The following CDH6 variants were observed in gnomAD, a reference collection of about 807,000 sequenced individuals.
CDH6 encodes the protein cadherin 6, also known as cadherin-6.
CDH6 carries 31 observed loss-of-function variants against 78.0 expected under a neutral mutation model. That is an observed-to-expected ratio of 0.40 (90% CI 0.30 to 0.54). The LOEUF is 0.54. Ranked by LOEUF, CDH6 falls within the 20% of genes least tolerant of loss-of-function variation. CDH6 has a pLI of 0.56. For synonymous variants in CDH6, 376 were observed against 368.8 expected, an observed-to-expected ratio of 1.02 and a Z score of -0.23; for missense variants, 724 against 975.9, an observed-to-expected ratio of 0.74 and a Z score of 3.44.
intron 2 of CDH6, among the ~76,000 whole-genome samples, chr5:31,288,798 C>A (rs1023601906): frequency 6.6e-6 from 1 of 152,190 alleles, no homozygotes; most frequent in Non-Finnish European, 1.5e-5. Flanking sequence ...TAAAGAGCAA[C>A]ATTACATTTG....
In CDH6 at chr5:31,267,556, C is replaced by A; in HGVS notation, c.83C>A (p.Thr28Asn). 1 of 1,613,990 alleles carries A rather than the reference C, an allele frequency of 6.2e-7. No homozygotes were observed. The highest frequency in any genetic ancestry group is 1.1e-5 in the South Asian group (1 of 91,066). Residue 28 changes from threonine (T) to asparagine (N), a missense_variant, in exon 2 of 12, where the codon ACT (threonine) becomes AAT (asparagine). By Grantham distance (65) the Thr-to-Asn change is moderately conservative. Transcript: ENST00000265071. ...PTLSTPLSKR[T>N]SGFPAKKRAL... ...CTCTCAACTCCACTATCAAAGAGGA[C>A]TAGTGGTTTCCCAGCAAAGAAAAGG... is the stretch of plus-strand genomic sequence containing the variant.
Position 31,230,037 on chromosome 5 carries a change from C to T in CDH6, c.-129+36151C>T, listed in dbSNP as rs544452810. Among the ~76,000 whole-genome samples the T allele has an allele frequency of 1.1e-4, 16 of 152,266 alleles. No individual in the cohort carries two copies. The East Asian group carries it at 2.7e-3, about 26-fold the overall frequency. ...GATGCTATTTCTGCTGCCACTGTGG[C>T]GTGTCTGAACAACAAAGTCAAAATA... On this transcript the variant is annotated intron_variant, in intron 1 of 11. Coordinates refer to ENST00000265071, the MANE Select transcript of CDH6 (RefSeq NM_004932.4).
At chr5:31,206,063 T>C (rs1301084557) in intron 1 of CDH6, among the ~76,000 whole-genome samples, 4 of 152,206 alleles carry the variant, frequency 2.6e-5, no homozygotes, top group Non-Finnish European at 1.5e-5. Flanking sequence ...AGAACCCACA[T>C]TGTTTGAACT....
intron 1 of CDH6, among the ~76,000 whole-genome samples, chr5:31,243,363 G>C (rs1035608430): frequency 6.6e-6 from 1 of 152,242 alleles, no homozygotes; most frequent in African/African-American, 2.4e-5. Context: ...TCAGCAGACA[G>C]AGGAAGATGG....
chr5:31,254,899 A>C (rs1015296944), intron 1 of CDH6, among the ~76,000 whole-genome samples: 1 of 152,230 alleles, frequency 6.6e-6, no homozygotes, highest in Non-Finnish European at 1.5e-5. Context: ...ACAAATGGAG[A>C]AAGTGGAGAA....
chr5:31,253,395 G>A (rs189502041), intron 1 of CDH6, among the ~76,000 whole-genome samples: 229 of 152,312 alleles, frequency 1.5e-3, no homozygotes, highest in South Asian at 2.9e-3. Context: ...AGAAGGACAT[G>A]TTTGCTTTCC....
chr5:31,252,764 G>GTT (rs71636867), intron 1 of CDH6, among the ~76,000 whole-genome samples: 29 of 146,820 alleles, frequency 2.0e-4, no homozygotes, highest in African/African-American at 6.7e-4. Context: ...AGAGCTTTTT[G>GTT]TTTTTTTTTT....
At chr5:31,228,027 C>G (rs971263952) in intron 1 of CDH6, among the ~76,000 whole-genome samples, 2 of 152,184 alleles carry the variant, frequency 1.3e-5, no homozygotes, top group Non-Finnish European at 2.9e-5. Flanking sequence ...TCTACAGGCT[C>G]TAGAGGAGAA....
intron 11 of CDH6, among the ~76,000 whole-genome samples, chr5:31,319,917 C>A (rs901359951): frequency 6.6e-6 from 1 of 152,134 alleles, no homozygotes; most frequent in Non-Finnish European, 1.5e-5. Flanking sequence ...TATTAATTTT[C>A]TTTTACAAAT....
At chr5:31,316,572 T>A (rs1471344561) in intron 9 of CDH6, among the ~76,000 whole-genome samples, 1 of 152,222 alleles carries the variant, frequency 6.6e-6, no homozygotes, top group African/African-American at 2.4e-5. Context: ...TTAAATAGAT[T>A]AGTCTCACCT....
At chr5:31,282,458 C>T (rs1210666381) in intron 2 of CDH6, among the ~76,000 whole-genome samples, 1 of 152,182 alleles carries the variant, frequency 6.6e-6, no homozygotes, top group South Asian at 2.1e-4. Flanking sequence ...TTCCATCTCT[C>T]ACTCCAACTC....
Position 31,325,545 on chromosome 5 carries a change from C to T in CDH6, c.*2237C>T, listed in dbSNP as rs1209686552. 4.3e-6 allele frequency: 1 copy of T among 230,588 alleles called. No individual in the cohort carries two copies. The highest frequency in any genetic ancestry group is 8.6e-6 in the Non-Finnish European group (1 of 116,572). The allele number at this position is 230,588 out of a possible 1,614,324, so 14.3% of individuals were successfully genotyped here. A position where few individuals can be genotyped will look rare whatever the true frequency, so the allele number is the denominator to read the frequency against. ...TATCTGTATGTTTCATGTCACGTAA[C>T]AAATTGAATCAAGGAAGATAGTCCT... is the stretch of plus-strand genomic sequence containing the variant. On this transcript the variant is annotated 3_prime_UTR_variant, in exon 12 of 12. Coordinates refer to ENST00000265071, the MANE Select transcript of CDH6 (RefSeq NM_004932.4).
intron 1 of CDH6, among the ~76,000 whole-genome samples, chr5:31,235,165 A>G (rs1291639961): frequency 6.6e-6 from 1 of 151,812 alleles, no homozygotes; most frequent in Non-Finnish European, 1.5e-5. Flanking sequence ...CTACTACCAT[A>G]TAATCAATTT....
rs867021714 is a variant in CDH6 at position 31,203,354 on chromosome 5, G to T, written c.-129+9468G>T. On this transcript the variant is annotated intron_variant, in intron 1 of 11. Coordinates refer to ENST00000265071, the MANE Select transcript of CDH6 (RefSeq NM_004932.4). ...GCTGGTGCGCTGCACCCACTAACTCGTCATCTAGCATTAGGTATATCTCCC... is the reference window on the plus strand; with the variant it reads ...GCTGGTGCGCTGCACCCACTAACTCTTCATCTAGCATTAGGTATATCTCCC... 6.7e-5 allele frequency among the ~76,000 whole-genome samples: 9 copies of T among 134,382 alleles called. No individual in the cohort carries two copies. In the South Asian group the frequency reaches 2.4e-3, roughly 35 times the overall value. The allele number at this position is 134,382 out of a possible 152,430, so 88.2% of individuals were successfully genotyped here.
At chr5:31,236,724 G>A (rs751303002) in intron 1 of CDH6, among the ~76,000 whole-genome samples, 1 of 152,182 alleles carries the variant, frequency 6.6e-6, no homozygotes, top group African/African-American at 2.4e-5. Flanking sequence ...CTGAACTTGA[G>A]TGTGCTGGCT....
chr5:31,211,539 A>G (rs1404540381), intron 1 of CDH6, among the ~76,000 whole-genome samples: 2 of 152,182 alleles, frequency 1.3e-5, no homozygotes, highest in Admixed American at 6.5e-5. Context: ...TGAAATGCAG[A>G]TGTTTATCTA....
chr5:31,261,986 C>T (rs1489992756), intron 1 of CDH6, among the ~76,000 whole-genome samples: 1 of 152,162 alleles, frequency 6.6e-6, no homozygotes, highest in Non-Finnish European at 1.5e-5. Flanking sequence ...CACTAGGGAA[C>T]TTGAGGACAT....
chr5:31,321,491 G>A (rs1211441894), intron 11 of CDH6, among the ~76,000 whole-genome samples: 6 of 152,126 alleles, frequency 3.9e-5, no homozygotes, highest in African/African-American at 1.4e-4. Flanking sequence ...TGTAAAATGG[G>A]GTTTTAATGA....
chr5:31,226,492 A>G (rs547376662), intron 1 of CDH6, among the ~76,000 whole-genome samples: 38 of 152,274 alleles, frequency 2.5e-4, no homozygotes, highest in African/African-American at 8.9e-4. Flanking sequence ...CTTATTTCTG[A>G]TGGCATACAA....
Sources: gnomAD v4.1 joint callset for allele counts (sites outside exome capture counted in the v4.1 genomes callset) on GRCh38, gnomAD v4.1.1 for gene constraint, MANE v1.5 for transcripts, NCBI Gene and HGNC (gene_info 2026-07-23, HGNC 2026-07-21) for gene names.